Variants in MAGI2 observed in about 807,000 individuals in gnomAD.
MAGI2 encodes the protein membrane associated guanylate kinase, WW and PDZ domain containing 2.
A neutral mutation model predicts 133.3 loss-of-function variants in MAGI2; 35 were observed. That is an observed-to-expected ratio of 0.26 (90% confidence interval 0.20 to 0.35). MAGI2 has a LOEUF of 0.35. MAGI2 is among the 10% of genes least tolerant of loss of function. The pLI is 1.00. For missense variants in MAGI2, 1,636 were observed against 1,863.4 expected (o/e 0.88, Z 2.25); for synonymous variants, 729 against 710.6 (o/e 1.03, Z -0.41).
intron 2 of MAGI2, among the ~76,000 whole-genome samples, chr7:78,886,267 G>A (rs1796257175): frequency 6.6e-6 from 1 of 152,142 alleles, no homozygotes; most frequent in South Asian, 2.1e-4. Context: ...TACTGTTAAT[G>A]GAAATCCAGA....
intron 2 of MAGI2, among the ~76,000 whole-genome samples, chr7:78,857,738 G>T (rs1027372092): frequency 6.6e-6 from 1 of 152,158 alleles, no homozygotes; most frequent in Admixed American, 6.5e-5. Context: ...TCTCTGCCAG[G>T]CTTTGGTATC....
At chr7:79,012,304 A>T (rs2116594502) in intron 1 of MAGI2, 1 of 152,204 alleles carries the variant, frequency 6.6e-6, no homozygotes, top group African/African-American at 2.4e-5. Context: ...TTATCCATGG[A>T]ATTTCTGTCC....
At chr7:79,147,827 G>T (rs553677022) in intron 1 of MAGI2, among the ~76,000 whole-genome samples, 1 of 152,314 alleles carries the variant, frequency 6.6e-6, no homozygotes, top group African/African-American at 2.4e-5. Flanking sequence ...TGGGTCAGGT[G>T]CCAGGCCCTG....
At chr7:78,747,845 G>A (rs544414987) in intron 2 of MAGI2, among the ~76,000 whole-genome samples, 1 of 152,304 alleles carries the variant, frequency 6.6e-6, no homozygotes, top group South Asian at 2.1e-4. Context: ...CAGGTGGAAA[G>A]GGAGGGGGCT....
intron 6 of MAGI2, among the ~76,000 whole-genome samples, chr7:78,407,681 T>C (rs1160094860): frequency 2.0e-5 from 3 of 151,834 alleles, no homozygotes; most frequent in African/African-American, 7.3e-5. Flanking sequence ...AATTCCAACG[T>C]ATTTACTCAA....
intron 20 of MAGI2, among the ~76,000 whole-genome samples, chr7:78,094,567 A>G (rs1231613168): frequency 6.6e-6 from 1 of 152,146 alleles, no homozygotes; most frequent in East Asian, 1.9e-4. Context: ...ATTCATCACC[A>G]TTTCTACAAA....
chr7:78,731,740 T>A (rs920303764), intron 2 of MAGI2, among the ~76,000 whole-genome samples: 2 of 152,140 alleles, frequency 1.3e-5, no homozygotes, highest in Non-Finnish European at 2.9e-5. Context: ...TGGGGGACCA[T>A]GACATACCTC....
At chr7:78,285,995 T>C (rs1463017240) in intron 9 of MAGI2, among the ~76,000 whole-genome samples, 1 of 152,184 alleles carries the variant, frequency 6.6e-6, no homozygotes, top group Non-Finnish European at 1.5e-5. Flanking sequence ...AATCCTTATG[T>C]ATCATGCTCT....
intron 10 of MAGI2, among the ~76,000 whole-genome samples, chr7:78,216,625 T>A (rs1222585904): frequency 4.6e-5 from 7 of 152,200 alleles, no homozygotes; most frequent in African/African-American, 9.6e-5. Flanking sequence ...CCTGCTTCTC[T>A]GCCCTGCTGA....
intron 1 of MAGI2, among the ~76,000 whole-genome samples, chr7:79,406,397 A>G (rs1177144822): frequency 6.6e-6 from 1 of 152,178 alleles, no homozygotes; most frequent in East Asian, 1.9e-4. Context: ...ACAAGAATGT[A>G]GTTCTTTCTT....
intron 21 of MAGI2, among the ~76,000 whole-genome samples, chr7:78,069,675 A>G (rs143233664): frequency 6.6e-6 from 1 of 150,866 alleles, no homozygotes; most frequent in Non-Finnish European, 1.5e-5. Context: ...CTCAATCTCA[A>G]CTCCTCACCC....
At chr7:79,153,189 T>C (rs1823431312) in intron 1 of MAGI2, among the ~76,000 whole-genome samples, 1 of 152,158 alleles carries the variant, frequency 6.6e-6, no homozygotes, top group Non-Finnish European at 1.5e-5. Flanking sequence ...CTTTCAATTT[T>C]GATATGATTA....
intron 1 of MAGI2, among the ~76,000 whole-genome samples, chr7:79,285,101 C>T (rs559126177): frequency 6.6e-6 from 1 of 152,084 alleles, no homozygotes; most frequent in Non-Finnish European, 1.5e-5. Flanking sequence ...GAATTCTATC[C>T]ATGTGAGAAA....
At chr7:79,394,535 C>A (rs1008546027) in intron 1 of MAGI2, among the ~76,000 whole-genome samples, 2 of 152,132 alleles carry the variant, frequency 1.3e-5, no homozygotes, top group African/African-American at 4.8e-5. Context: ...CCCCAAGATA[C>A]ATAATTACAG....
At chr7:78,366,895 TAACGGGAAGAAAATTA>T (rs1793435770) in intron 7 of MAGI2, among the ~76,000 whole-genome samples, 1 of 152,244 alleles carries the variant, frequency 6.6e-6, no homozygotes, top group East Asian at 1.9e-4. Flanking sequence ...GAACTGAATG[TAACGGGAAGAAAATTA>T]AACTATTTTG....
intron 1 of MAGI2, chr7:79,414,268 G>A (rs1846344304): frequency 6.6e-6 from 1 of 152,128 alleles, no homozygotes. Context: ...TTATGGCAGA[G>A]GTACAGGCTG....
intron 1 of MAGI2, among the ~76,000 whole-genome samples, chr7:79,061,497 T>G (rs1239366146): frequency 1.3e-5 from 2 of 151,888 alleles, no homozygotes; most frequent in East Asian, 3.9e-4. Flanking sequence ...CCAACAAATA[T>G]CAGAAGGTTG....
intron 3 of MAGI2, among the ~76,000 whole-genome samples, chr7:78,583,813 A>G (rs922658737): frequency 6.6e-6 from 1 of 152,196 alleles, no homozygotes; most frequent in African/African-American, 2.4e-5. Context: ...ATGTATTGGC[A>G]GGGGAGAATG....
At chr7:79,210,089 C>T (rs903754958) in intron 1 of MAGI2, among the ~76,000 whole-genome samples, 7 of 151,946 alleles carry the variant, frequency 4.6e-5, no homozygotes, top group Admixed American at 1.3e-4. Context: ...ATTTATATAT[C>T]TTTCTCTTTT....
Sources: allele counts gnomAD v4.1 joint callset (sites outside exome capture counted in the v4.1 genomes callset), GRCh38; gene constraint gnomAD v4.1.1; transcripts MANE v1.5; gene names NCBI Gene and HGNC (gene_info 2026-07-23, HGNC 2026-07-21).